The following ZNF451 variants were observed in gnomAD, a reference collection of about 807,000 sequenced individuals.
ZNF451 encodes the protein E3 SUMO-protein ligase ZNF451.
Under a neutral mutation model 107.1 loss-of-function variants are expected in ZNF451, and 80 were observed. That is an observed-to-expected ratio of 0.75 (90% CI 0.62 to 0.90). The LOEUF (loss-of-function observed/expected upper bound fraction) is 0.90. ZNF451 is among the 40% of genes least tolerant of loss of function. The pLI is 0.00. For synonymous variants in ZNF451, 362 were observed against 406.5 expected (o/e 0.89, Z 1.32); for missense variants, 1,107 against 1,236.2 (o/e 0.90, Z 1.57).
At chr6:57,149,017 C>A in intron 10 of ZNF451, among the ~76,000 whole-genome samples, 1 of 152,066 alleles carries the variant, frequency 6.6e-6, no homozygotes, top group East Asian at 1.9e-4. Flanking sequence ...GTATTAATAT[C>A]ATTTAGATTT....
In ZNF451 at chr6:57,108,843, CAGA is replaced by C. The variant is rs758305202; in HGVS notation, c.186+9710_186+9712del. On this transcript the variant is annotated intron_variant, in intron 3 of 14. Coordinates refer to ENST00000370706, the MANE Select transcript of ZNF451 (RefSeq NM_001031623.3). ...TTGAGAGAAATTCATTCTTATTTTG[CAGA>C]AGAAGAACTGAAACTTCATTAAGTC... The C allele has an allele frequency of 1.3e-4, 132 of 985,224 alleles. 1 individual carries two copies. Among genetic ancestry groups the C allele is most frequent in the Non-Finnish European group, 1.5e-4 (125 of 829,904 alleles). The allele number at this position is 985,224 out of a possible 1,614,324, so 61.0% of individuals were successfully genotyped here.
At chr6:57,094,254 A>G (rs1829184621) in intron 2 of ZNF451, among the ~76,000 whole-genome samples, 1 of 152,044 alleles carries the variant, frequency 6.6e-6, no homozygotes, top group Admixed American at 6.6e-5. Context: ...TTCTGCCCCT[A>G]AATTGTGTGG....
chr6:57,119,050 T>A (rs920359925), intron 3 of ZNF451, among the ~76,000 whole-genome samples: 1 of 152,128 alleles, frequency 6.6e-6, no homozygotes, highest in African/African-American at 2.4e-5. Flanking sequence ...AAATACCAAT[T>A]TGGCCTTTTT....
chr6:57,109,374 T>G (rs1359611615), intron 3 of ZNF451: 1 of 985,336 alleles, frequency 1.0e-6, no homozygotes, highest in Admixed American at 6.1e-5. Flanking sequence ...GCAAAGCACA[T>G]GGTATTTGAA....
chr6:57,144,244 T>G (rs1469117849), intron 9 of ZNF451, among the ~76,000 whole-genome samples: 1 of 149,488 alleles, frequency 6.7e-6, no homozygotes, highest in Non-Finnish European at 1.5e-5. Context: ...CTTTTTTTTT[T>G]TTTTTTTTTT....
chr6:57,094,540 T>C (rs1829199922), intron 2 of ZNF451, among the ~76,000 whole-genome samples: 1 of 152,172 alleles, frequency 6.6e-6, no homozygotes, highest in Non-Finnish European at 1.5e-5. Context: ...AGTTGATGGA[T>C]AGAACAAATG....
At chr6:57,135,317 A>T (rs1277924103) in intron 7 of ZNF451, among the ~76,000 whole-genome samples, 2 of 152,172 alleles carry the variant, frequency 1.3e-5, no homozygotes, top group Admixed American at 1.3e-4. Context: ...GTTAAATCTT[A>T]AGAGACATGA....
At chr6:57,094,310 AT>A (rs1234682294) in intron 2 of ZNF451, among the ~76,000 whole-genome samples, 1 of 151,740 alleles carries the variant, frequency 6.6e-6, no homozygotes, top group African/African-American at 2.4e-5. Flanking sequence ...TTTTTATTTA[AT>A]TTTTTATTTC....
At chr6:57,130,885 G>C (rs1329017067) in intron 5 of ZNF451, among the ~76,000 whole-genome samples, 1 of 152,038 alleles carries the variant, frequency 6.6e-6, no homozygotes, top group Non-Finnish European at 1.5e-5. Flanking sequence ...TGTGTGATGG[G>C]CTCAGCTTTT....
At chr6:57,101,916 A>G in intron 3 of ZNF451, 1 of 1,550,590 alleles carries the variant, frequency 6.4e-7, no homozygotes. Context: ...ACAATATAAA[A>G]GAAAATGACT....
intron 9 of ZNF451, among the ~76,000 whole-genome samples, chr6:57,143,713 CAA>C (rs1358922644): frequency 1.3e-5 from 2 of 152,068 alleles, no homozygotes; most frequent in African/African-American, 4.8e-5. Flanking sequence ...CAGCCAAGAG[CAA>C]AGTGAACTTG....
chr6:57,115,405 C>T (rs930827647), intron 3 of ZNF451: 30 of 152,282 alleles, frequency 2.0e-4, no homozygotes, highest in African/African-American at 7.0e-4. Context: ...TTTGCTGTAA[C>T]TCTACCAGGA....
intron 6 of ZNF451, 39 bp from the exon 7 acceptor site, chr6:57,134,705 A>G: frequency 2.5e-6 from 4 of 1,590,150 alleles, no homozygotes; most frequent in Non-Finnish European, 2.6e-6. Context: ...TAGAATGTAG[A>G]TTTATCTAAT....
At position 57,108,386 on chromosome 6, in the gene ZNF451, T is replaced by TTA. The variant is rs532139187; in HGVS notation, c.186+9248_186+9249dup. 9.4e-5 allele frequency: 93 copies of TTA among 985,348 alleles called. 2 individuals are homozygous for TTA. The East Asian group carries it at 0.01, about 107-fold the overall frequency. 61.0% of individuals were successfully genotyped at this position (985,348 alleles called of 1,614,324 possible). A position where few individuals can be genotyped will look rare whatever the true frequency, so the allele number is the denominator to read the frequency against. Reference sequence around the variant, plus strand: ...TGGCTGTGTTTCACACTACCTTGATTTATAAATGTAGTAATGTGTTAAATA... The same window carrying TTA: ...TGGCTGTGTTTCACACTACCTTGATTTATATAAATGTAGTAATGTGTTAAATA... On this transcript the variant is annotated intron_variant, in intron 3 of 14. Coordinates refer to ENST00000370706, the MANE Select transcript of ZNF451 (RefSeq NM_001031623.3).
At chr6:57,124,061 T>G (rs1179718075) in intron 3 of ZNF451, among the ~76,000 whole-genome samples, 1 of 152,212 alleles carries the variant, frequency 6.6e-6, no homozygotes, top group Non-Finnish European at 1.5e-5. Context: ...AGAGGGGATA[T>G]CCTTGCCTTG....
At chr6:57,139,064 A>G (rs1313115796) in intron 7 of ZNF451, among the ~76,000 whole-genome samples, 1 of 152,102 alleles carries the variant, frequency 6.6e-6, no homozygotes, top group Non-Finnish European at 1.5e-5. Context: ...TTCTTCAAGT[A>G]GGAGAAATAT....
At position 57,147,817 on chromosome 6, in the gene ZNF451, T is replaced by C. The variant is rs745585069; in HGVS notation, c.1732T>C (p.Leu578=). Residue 578 remains leucine (L), a synonymous_variant, in exon 10 of 15, where the codon TTG becomes CTG. Coordinates refer to ENST00000370706, the MANE Select transcript of ZNF451 (RefSeq NM_001031623.3). ...GETLPSSSTT[L]DNLTANKPSS... ...AACTTTGCCATCATCCTCTACAACATTGGATAATTTGACTGCTAACAAGCC... is the reference window on the plus strand; with the variant it reads ...AACTTTGCCATCATCCTCTACAACACTGGATAATTTGACTGCTAACAAGCC... The C allele has an allele frequency of 1.6e-5, 26 of 1,613,954 alleles. No individual in the cohort carries two copies. The East Asian group carries it at 4.5e-4, about 28-fold the overall frequency.
rs142771940 is a variant in ZNF451, at chr6:57,148,553, T to C, written c.2468T>C (p.Phe823Ser). 162 of 1,614,052 alleles carry C rather than the reference T, an allele frequency of 1.0e-4. No homozygotes were observed. Among genetic ancestry groups the C allele is most frequent in the Middle Eastern group, 6.6e-4 (4 of 6,084 alleles). ...CFLQKPSVAH[F>S]GSEKSNLYKF... is the part of the protein sequence containing the mutation. ...TTACAGAAACCCAGTGTGGCTCATTTTGGATCTGAAAAATCAAACCTGTAC... is the reference window on the plus strand; with the variant it reads ...TTACAGAAACCCAGTGTGGCTCATTCTGGATCTGAAAAATCAAACCTGTAC... The change falls in exon 10 of 15, where the codon TTT becomes TCT. Residue 823 changes from phenylalanine (F) to serine (S), a missense_variant. By Grantham distance (155) the Phe-to-Ser change is radical (BLOSUM62 -2). Transcript: ENST00000370706.
intron 13 of ZNF451, chr6:57,159,215 T>C (rs1763560525): frequency 1.0e-6 from 1 of 985,450 alleles, no homozygotes; most frequent in Non-Finnish European, 1.2e-6. Context: ...AGAAACCTTT[T>C]ATGATATTAA....
Sources: allele counts gnomAD v4.1 joint callset (sites outside exome capture counted in the v4.1 genomes callset), GRCh38; gene constraint gnomAD v4.1.1; transcripts MANE v1.5; gene names NCBI Gene and HGNC (gene_info 2026-07-23, HGNC 2026-07-21).